The following DYNC1I2 variants were observed in gnomAD, a reference collection of about 807,000 sequenced individuals.
DYNC1I2 encodes cytoplasmic dynein 1 intermediate chain 2.
In DYNC1I2, 53 loss-of-function variants were observed where a neutral mutation model predicts 88.6. That is an observed-to-expected ratio of 0.60 (90% CI 0.48 to 0.75). The LOEUF is 0.75. Ranked by LOEUF, DYNC1I2 falls within the 30% of genes least tolerant of loss-of-function variation. DYNC1I2 has a pLI of 0.00. For missense variants in DYNC1I2, 458 were observed against 766.6 expected, an observed-to-expected ratio of 0.60 and a Z score of 4.75; for synonymous variants, 198 against 254.6, an observed-to-expected ratio of 0.78 and a Z score of 2.12.
chr2:171,706,793 GAAA>G, intron 4 of DYNC1I2: 1 of 445,484 alleles, frequency 2.2e-6, no homozygotes, highest in African/African-American at 2.0e-5. Flanking sequence ...ATTACTTTTT[GAAA>G]GAAAAAATTA....
intron 3 of DYNC1I2, among the ~76,000 whole-genome samples, chr2:171,704,210 C>A (rs1686492073): frequency 6.6e-6 from 1 of 152,116 alleles, no homozygotes; most frequent in Admixed American, 6.5e-5. Flanking sequence ...ATTTTATATC[C>A]TTGGAAGGAC....
At chr2:171,732,646 T>C (rs1036716086) in intron 15 of DYNC1I2, among the ~76,000 whole-genome samples, 4 of 152,198 alleles carry the variant, frequency 2.6e-5, no homozygotes, top group African/African-American at 9.6e-5. Flanking sequence ...CAAATGCTTC[T>C]GGTTCCAAGT....
rs138702969 is a variant in DYNC1I2 at position 171,694,948 on chromosome 2, T to G, written c.226+2054T>G. Among the ~76,000 whole-genome samples the G allele has an allele frequency of 6.1e-4, 93 of 152,302 alleles. 1 individual carries two copies. Among genetic ancestry groups the G allele is most frequent in the African/African-American group, 2.0e-3 (83 of 41,564 alleles). On this transcript the variant is annotated intron_variant, in intron 3 of 17. Coordinates refer to ENST00000397119, the MANE Select transcript of DYNC1I2 (RefSeq NM_001378.3). ...AGAGATTTGGAGGGGATGTCCAAACTGTATCAATGGCCCATCTCCATCATT... is the reference window on the plus strand; with the variant it reads ...AGAGATTTGGAGGGGATGTCCAAACGGTATCAATGGCCCATCTCCATCATT...
At chr2:171,707,484 C>A in intron 5 of DYNC1I2, 107 bp downstream of exon 5, 2 of 924,708 alleles carry the variant, frequency 2.2e-6, no homozygotes, top group Non-Finnish European at 3.0e-6. Flanking sequence ...TTAGTCCTAA[C>A]ATTTTAAAAT....
At chr2:171,747,254 T>TAAAGC (rs1689861175) in intron 17 of DYNC1I2, among the ~76,000 whole-genome samples, 2 of 145,730 alleles carry the variant, frequency 1.4e-5, no homozygotes, top group Non-Finnish European at 3.0e-5. Context: ...GCCTCTGAAG[T>TAAAGC]AAAGCATCAC....
chr2:171,726,028 G>A lies in DYNC1I2; in HGVS notation c.717G>A (p.Glu239=), dbSNP rs750116484. The change falls in exon 9 of 18, where the codon GAG becomes GAA. Residue 239 remains glutamate, a synonymous_variant. Coordinates refer to ENST00000397119, the MANE Select transcript of DYNC1I2 (RefSeq NM_001378.3). ...GAATTGTAGAAAGAGCTCTTTCTGA[G>A]CAGATTAACATCTTCTTTGACTATA... ...STRIVERALS[E]QINIFFDYSG... is the part of the protein sequence containing the mutation. The A allele has an allele frequency of 8.2e-6, 13 of 1,593,656 alleles. No homozygotes were observed. Among genetic ancestry groups the A allele is most frequent in the Non-Finnish European group, 1.1e-5 (13 of 1,174,014 alleles).
chr2:171,735,498 T>C (rs185230937), intron 15 of DYNC1I2, among the ~76,000 whole-genome samples: 241 of 152,320 alleles, frequency 1.6e-3, no homozygotes, highest in African/African-American at 5.3e-3. Flanking sequence ...TATTCAAAAA[T>C]CCAAAAATAT....
chr2:171,719,893 C>T (rs887666547), intron 7 of DYNC1I2, among the ~76,000 whole-genome samples: 2 of 152,186 alleles, frequency 1.3e-5, no homozygotes, highest in Admixed American at 1.3e-4. Flanking sequence ...TTCTTCTCAG[C>T]AGGTGAAAAG....
intron 7 of DYNC1I2, among the ~76,000 whole-genome samples, chr2:171,723,212 C>A (rs2105661740): frequency 6.6e-6 from 1 of 152,182 alleles, no homozygotes; most frequent in Non-Finnish European, 1.5e-5. Context: ...CCGTATAATA[C>A]AACAAAGTTG....
At chr2:171,710,047 C>G (rs1055401474) in intron 5 of DYNC1I2, among the ~76,000 whole-genome samples, 4 of 151,756 alleles carry the variant, frequency 2.6e-5, no homozygotes, top group Non-Finnish European at 5.9e-5. Context: ...TGTACGTTGT[C>G]TCCTTTGAGA....
In DYNC1I2 at chr2:171,717,920, A is replaced by G. The variant is rs548432715; in HGVS notation, c.511+2477A>G. On this transcript the variant is annotated intron_variant, in intron 7 of 17. Transcript: ENST00000397119. Reference sequence around the variant, plus strand: ...TCTGAAACTATTTTGAGTAATGCCTATTATATCTATAGTTATATCCAGTTT... The same window carrying G: ...TCTGAAACTATTTTGAGTAATGCCTGTTATATCTATAGTTATATCCAGTTT... Among the ~76,000 whole-genome samples the G allele has an allele frequency of 3.5e-4, 53 of 151,348 alleles. No individual in the cohort carries two copies. The South Asian group carries it at 0.011, about 31-fold the overall frequency.
At chr2:171,716,340 C>A (rs965499885) in intron 7 of DYNC1I2, among the ~76,000 whole-genome samples, 1 of 152,166 alleles carries the variant, frequency 6.6e-6, no homozygotes, top group East Asian at 1.9e-4. Flanking sequence ...AGCTTTACCT[C>A]TGACTTTACC....
intron 2 of DYNC1I2, 86 bp from the exon 3 acceptor site, chr2:171,692,689 TAC>T (rs1238206599): frequency 1.2e-5 from 10 of 819,726 alleles, no homozygotes; most frequent in African/African-American, 1.0e-4. Context: ...CTTAAAAGTA[TAC>T]AGTGTTAGCA....
chr2:171,723,141 T>G (rs1036804075), intron 7 of DYNC1I2, among the ~76,000 whole-genome samples: 3 of 152,200 alleles, frequency 2.0e-5, no homozygotes, highest in Non-Finnish European at 4.4e-5. Context: ...AGCACTAAAG[T>G]ACTGACCATA....
At chr2:171,735,646 T>C (rs142004504) in intron 15 of DYNC1I2, among the ~76,000 whole-genome samples, 128 of 152,352 alleles carry the variant, frequency 8.4e-4, no homozygotes, top group Middle Eastern at 3.4e-3. Context: ...TAAAAGACTC[T>C]GTTGCCATCT....
chr2:171,738,514 CATTA>C (rs918365506), intron 15 of DYNC1I2, among the ~76,000 whole-genome samples: 1 of 152,108 alleles, frequency 6.6e-6, no homozygotes, highest in Non-Finnish European at 1.5e-5. Context: ...ATGGTATTTG[CATTA>C]ATTCCAGTTG....
At chr2:171,733,591 A>G (rs1461605696) in intron 15 of DYNC1I2, among the ~76,000 whole-genome samples, 2 of 149,738 alleles carry the variant, frequency 1.3e-5, no homozygotes, top group Non-Finnish European at 3.0e-5. Flanking sequence ...TCTTTTGAGA[A>G]ATGTTTGTTC....
chr2:171,697,011 T>C (rs1438056638), intron 3 of DYNC1I2, among the ~76,000 whole-genome samples: 1 of 151,892 alleles, frequency 6.6e-6, no homozygotes, highest in East Asian at 1.9e-4. Flanking sequence ...ATTATTATTA[T>C]TATTTTTGAG....
chr2:171,743,113 T>G (rs977349397), intron 15 of DYNC1I2, among the ~76,000 whole-genome samples: 1 of 152,224 alleles, frequency 6.6e-6, no homozygotes, highest in Non-Finnish European at 1.5e-5. Flanking sequence ...CATAAATTGT[T>G]GATTAACACA....
Sources: gnomAD v4.1 joint callset for allele counts (sites outside exome capture counted in the v4.1 genomes callset) on GRCh38, gnomAD v4.1.1 for gene constraint, MANE v1.5 for transcripts, NCBI Gene and HGNC (gene_info 2026-07-23, HGNC 2026-07-21) for gene names.